Variants in POR observed in about 807,000 individuals in gnomAD.
POR encodes the protein cytochrome p450 oxidoreductase.
In POR, 56 loss-of-function variants were observed where a neutral mutation model predicts 84.0. The ratio of observed to expected loss-of-function variants is 0.67; its 90% confidence interval spans 0.54 to 0.83. POR has a LOEUF of 0.83. POR is among the 40% of genes least tolerant of loss of function. The pLI, the probability that POR is intolerant of heterozygous loss-of-function variation, is 0.00. For missense variants in POR, 938 were observed against 944.3 expected, an observed-to-expected ratio of 0.99 and a Z score of 0.09; for synonymous variants, 414 against 400.5, an observed-to-expected ratio of 1.03 and a Z score of -0.40.
At chr7:75,943,054 T>G (rs1787009725) in intron 1 of POR, among the ~76,000 whole-genome samples, 1 of 151,498 alleles carries the variant, frequency 6.6e-6, no homozygotes, top group African/African-American at 2.4e-5. Context: ...CAGGTTCAAG[T>G]GTTTCTTCTG....
Position 75,916,113 on chromosome 7 carries a change from A to ACAAT in POR, c.-5+934_-5+935insCAAT, listed in dbSNP as rs545617551. Among the ~76,000 whole-genome samples, 1,435 of 152,232 alleles carry ACAAT rather than the reference A, an allele frequency of 9.4e-3. 25 individuals are homozygous for ACAAT. Among genetic ancestry groups the ACAAT allele is most frequent in the African/African-American group, 0.03 (1,250 of 41,540 alleles). On this transcript the variant is annotated intron_variant, in intron 1 of 15. Transcript: ENST00000461988. Reference sequence around the variant, plus strand: ...GGGTGGCCCTGGTTTGATTCTTGGCAAGCAAGATACCTCCTGGAGCCTCCG... The same window carrying ACAAT: ...GGGTGGCCCTGGTTTGATTCTTGGCACAATAGCAAGATACCTCCTGGAGCCTCCG...
rs1258538793 is a variant in POR at position 75,986,387 on chromosome 7, TGGCTGAGCTCGG to T, written c.1953_1964del (p.Glu652_Ala655del). On this transcript the variant is annotated inframe_deletion, in exon 16 of 16. Coordinates refer to ENST00000461988, the MANE Select transcript of POR (RefSeq NM_000941.3). Reference sequence around the variant, plus strand: ...GTGCAGAACACCTTCTACGACATCGTGGCTGAGCTCGGGGCCATGGAGCACGCGCAGGCGGTG... The same window carrying T: ...GTGCAGAACACCTTCTACGACATCGTGGCCATGGAGCACGCGCAGGCGGTG... 1 of 1,612,416 alleles carries T rather than the reference TGGCTGAGCTCGG, an allele frequency of 6.2e-7. No homozygotes were observed. The highest frequency in any genetic ancestry group is 8.5e-7 in the Non-Finnish European group (1 of 1,179,852).
chr7:75,936,086 C>CTTTTTTTTTT (rs869164954), intron 1 of POR, among the ~76,000 whole-genome samples: 3 of 99,788 alleles, frequency 3.0e-5, no homozygotes, highest in Non-Finnish European at 3.9e-5. Flanking sequence ...TTCTTTCTTT[C>CTTTTTTTTTT]TTTTTTTTTT....
intron 1 of POR, among the ~76,000 whole-genome samples, chr7:75,931,038 G>T (rs187206233): frequency 3.2e-4 from 49 of 151,842 alleles, no homozygotes; most frequent in African/African-American, 1.1e-3. Context: ...ACCCAGGCTG[G>T]TCTCAAACTC....
At chr7:75,954,610 G>A (rs1787600699) in intron 2 of POR, among the ~76,000 whole-genome samples, 1 of 152,006 alleles carries the variant, frequency 6.6e-6, no homozygotes, top group African/African-American at 2.4e-5. Context: ...CACGATCAAG[G>A]TTCACTGTAA....
chr7:75,935,702 A>G (rs1252153896), intron 1 of POR, among the ~76,000 whole-genome samples: 1 of 150,016 alleles, frequency 6.7e-6, no homozygotes, highest in African/African-American at 2.5e-5. Context: ...TTATTAACTC[A>G]GGTCAGACAC....
Position 75,981,077 on chromosome 7 carries a change from G to A in POR, c.546G>A (p.Glu182=). The change falls in exon 6 of 16, where the codon GAG becomes GAA. Residue 182 remains glutamate (E), a synonymous_variant. Coordinates refer to ENST00000461988, the MANE Select transcript of POR (RefSeq NM_000941.3). ...TTGGTCTTGGGAACAAGACCTACGA[G>A]CACTTCAATGCCATGGGCAAGTACG... 5 of 1,574,764 alleles carry A rather than the reference G, an allele frequency of 3.2e-6. No homozygotes were observed. Among genetic ancestry groups the A allele is most frequent in the African/African-American group, 1.3e-5 (1 of 74,138 alleles).
intron 2 of POR, among the ~76,000 whole-genome samples, chr7:75,954,476 C>T (rs561829401): frequency 6.6e-6 from 1 of 152,268 alleles, no homozygotes; most frequent in South Asian, 2.1e-4. Flanking sequence ...AACGGGCCTG[C>T]CAGGGTCATT....
intron 1 of POR, among the ~76,000 whole-genome samples, chr7:75,917,625 G>T (rs1181982071): frequency 1.3e-5 from 2 of 152,004 alleles, no homozygotes; most frequent in African/African-American, 4.8e-5. Context: ...GTGAAATGGA[G>T]AAATGACAAT....
chr7:75,975,181 G>T, intron 3 of POR, among the ~76,000 whole-genome samples: 1 of 151,642 alleles, frequency 6.6e-6, no homozygotes, highest in African/African-American at 2.4e-5. Context: ...GTACTTTTAG[G>T]GTTTTGTTTT....
At chr7:75,961,551 G>A (rs1787941864) in intron 2 of POR, among the ~76,000 whole-genome samples, 2 of 152,158 alleles carry the variant, frequency 1.3e-5, no homozygotes, top group South Asian at 2.1e-4. Context: ...CCAGAGTGTA[G>A]GGCACAGGAG....
chr7:75,953,864 C>T (rs782092300), intron 1 of POR, 125 bp from the exon 2 acceptor site: 3 of 719,208 alleles, frequency 4.2e-6, no homozygotes, highest in Non-Finnish European at 6.8e-6. Context: ...CCTTCTCCTA[C>T]CCCGTGCAGT....
At chr7:75,934,778 C>A (rs1471615656) in intron 1 of POR, among the ~76,000 whole-genome samples, 2 of 152,204 alleles carry the variant, frequency 1.3e-5, no homozygotes, top group Non-Finnish European at 2.9e-5. Flanking sequence ...GGCTGCCACA[C>A]TAGAGGGTGA....
At chr7:75,926,652 G>T (rs1807146703) in intron 1 of POR, among the ~76,000 whole-genome samples, 1 of 152,084 alleles carries the variant, frequency 6.6e-6, no homozygotes, top group Non-Finnish European at 1.5e-5. Flanking sequence ...AAATTAGCCG[G>T]GCGTGGTGGT....
intron 2 of POR, among the ~76,000 whole-genome samples, chr7:75,966,647 A>G (rs1554555294): frequency 1.3e-5 from 2 of 152,214 alleles, no homozygotes; most frequent in African/African-American, 4.8e-5. Context: ...GGAGAAATCG[A>G]GTCCGCTGCA....
Position 75,981,557 on chromosome 7 carries a change from C to T in POR, c.682C>T (p.Pro228Ser). ...CATCACCTGGCGAGAGCAGTTCTGG[C>T]CGGCCGTGTGTGAACACTTTGGGGT... Residue 228 changes from proline (P) to serine (S), a missense_variant, in exon 7 of 16, where the codon CCG becomes TCG. By Grantham distance (74) the Pro-to-Ser change is moderately conservative. Coordinates refer to ENST00000461988, the MANE Select transcript of POR (RefSeq NM_000941.3). 3 of 1,613,020 alleles carry T rather than the reference C, an allele frequency of 1.9e-6. No homozygotes were observed. The highest frequency in any genetic ancestry group is 2.5e-6 in the Non-Finnish European group (3 of 1,179,676).
rs781866926 is a variant in POR at position 75,986,196 on chromosome 7, A to G, written c.1853A>G (p.His618Arg). Residue 618 changes from histidine to arginine, a missense_variant, in exon 15 of 16, where the codon CAC (histidine) becomes CGC (arginine). Physicochemically the swap from His to Arg is conservative, Grantham distance 29 (BLOSUM62 0). Coordinates refer to ENST00000461988, the MANE Select transcript of POR (RefSeq NM_000941.3). ...CACCTGCTAAAGCAAGACCGAGAGC[A>G]CCTGTGGAAGTTGATCGAAGGCGGT... The G allele has an allele frequency of 1.2e-6, 2 of 1,612,348 alleles. No individual in the cohort carries two copies. The highest frequency in any genetic ancestry group is 1.7e-6 in the Non-Finnish European group (2 of 1,179,730).
At chr7:75,922,420 T>C (rs1268273276) in intron 1 of POR, among the ~76,000 whole-genome samples, 1 of 149,924 alleles carries the variant, frequency 6.7e-6, no homozygotes, top group African/African-American at 2.5e-5. Flanking sequence ...GCCTCCTGGG[T>C]TCAAGCAATT....
rs886062443 is a variant in POR, at chr7:75,986,618, G to A, written c.*137G>A. ...CAGTGACAAAGACTCCTCTGGGCCT[G>A]GGGTGCATCCTCCTCAGCCCCCAGG... is the stretch of plus-strand genomic sequence containing the variant. On this transcript the variant is annotated 3_prime_UTR_variant, in exon 16 of 16. Transcript: ENST00000461988. 1 of 1,138,734 alleles carries A rather than the reference G, an allele frequency of 8.8e-7. No individual in the cohort carries two copies. 70.5% of individuals were successfully genotyped at this position (1,138,734 alleles called of 1,614,324 possible).
Sources: gnomAD v4.1 joint callset for allele counts (sites outside exome capture counted in the v4.1 genomes callset) on GRCh38, gnomAD v4.1.1 for gene constraint, MANE v1.5 for transcripts, NCBI Gene and HGNC (gene_info 2026-07-23, HGNC 2026-07-21) for gene names.